The following PTPRM variants were observed in gnomAD, a reference collection of about 807,000 sequenced individuals.
PTPRM encodes protein tyrosine phosphatase receptor type M, also known as receptor-type tyrosine-protein phosphatase mu.
In PTPRM, 47 loss-of-function variants were observed where a neutral mutation model predicts 186.7. That is an observed-to-expected ratio of 0.25 (90% confidence interval 0.20 to 0.32). The LOEUF (loss-of-function observed/expected upper bound fraction) is 0.32, where lower values mean the gene tolerates loss of function less well. Among genes scored for constraint, PTPRM ranks in the 10% least tolerant of loss-of-function variants. The pLI is 1.00. For missense variants in PTPRM, 1,494 were observed against 1,865.0 expected, an observed-to-expected ratio of 0.80 and a Z score of 3.66; for synonymous variants, 668 against 674.9, an observed-to-expected ratio of 0.99 and a Z score of 0.16.
chr18:8,013,528 C>G (rs1257578858), intron 7 of PTPRM, among the ~76,000 whole-genome samples: 1 of 152,114 alleles, frequency 6.6e-6, no homozygotes, highest in Admixed American at 6.6e-5. Flanking sequence ...GATCTTCATC[C>G]TGGTTGTCTT....
intron 1 of PTPRM, among the ~76,000 whole-genome samples, chr18:7,743,163 C>A (rs555984894): frequency 2.0e-5 from 3 of 152,282 alleles, no homozygotes; most frequent in Admixed American, 6.5e-5. Flanking sequence ...CCAGTTCTAC[C>A]ACTTGCTACT....
intron 14 of PTPRM, among the ~76,000 whole-genome samples, chr18:8,220,896 C>A (rs1439361369): frequency 6.6e-6 from 1 of 152,152 alleles, no homozygotes; most frequent in African/African-American, 2.4e-5. Flanking sequence ...CCTTTATAAT[C>A]ATTCATGAGA....
intron 3 of PTPRM, among the ~76,000 whole-genome samples, chr18:7,899,049 G>T (rs942489213): frequency 1.8e-4 from 27 of 152,322 alleles, no homozygotes; most frequent in African/African-American, 6.5e-4. Flanking sequence ...TGTAACTCAT[G>T]CTGACTGGAG....
intron 14 of PTPRM, among the ~76,000 whole-genome samples, chr18:8,213,798 T>G (rs2094039914): frequency 6.6e-6 from 1 of 152,172 alleles, no homozygotes; most frequent in Admixed American, 6.5e-5. Flanking sequence ...AAAAGACACC[T>G]GCATGCATGC....
chr18:8,124,084 T>C (rs2092264815), intron 13 of PTPRM, among the ~76,000 whole-genome samples: 1 of 152,292 alleles, frequency 6.6e-6, no homozygotes, highest in South Asian at 2.1e-4. Flanking sequence ...GTGAGTGTCA[T>C]TATTTTGGAG....
chr18:7,933,934 G>A (rs1333676519), intron 5 of PTPRM, among the ~76,000 whole-genome samples: 1 of 152,086 alleles, frequency 6.6e-6, no homozygotes, highest in East Asian at 1.9e-4. Context: ...AAGCAAATAT[G>A]GTCAATATAT....
chr18:7,657,275 C>CT (rs1203308066), intron 1 of PTPRM, among the ~76,000 whole-genome samples: 3 of 152,182 alleles, frequency 2.0e-5, no homozygotes, highest in Non-Finnish European at 4.4e-5. Context: ...AGCCCGTGAA[C>CT]TGACAGTCCA....
chr18:8,351,451 G>A (rs17490828), intron 23 of PTPRM, among the ~76,000 whole-genome samples: 42,068 of 152,072 alleles, frequency 0.28, 6,497 homozygotes, highest in Middle Eastern at 0.51. Flanking sequence ...CATCTGTTGT[G>A]CCTGTTTCCA....
At chr18:8,326,946 C>T (rs2148128034) in intron 22 of PTPRM, among the ~76,000 whole-genome samples, 1 of 152,248 alleles carries the variant, frequency 6.6e-6, no homozygotes, top group African/African-American at 2.4e-5. Context: ...AAATAATGTC[C>T]TTTTTTGCTG....
intron 29 of PTPRM, among the ~76,000 whole-genome samples, chr18:8,381,158 T>C (rs1359156672): frequency 6.6e-6 from 1 of 152,158 alleles, no homozygotes; most frequent in African/African-American, 2.4e-5. Context: ...AGACACATTT[T>C]CTTGAAGCAG....
chr18:8,189,873 A>G lies in PTPRM; in HGVS notation c.2300+46094A>G, dbSNP rs115965788. Among the ~76,000 whole-genome samples the G allele has an allele frequency of 3.7e-3, 561 of 152,356 alleles. 5 individuals carry two copies. Among genetic ancestry groups the G allele is most frequent in the African/African-American group, 0.013 (531 of 41,580 alleles). ...TTTGTTTGCATTTAAAATTCTTAGA[A>G]ATACATCAGTCTTTCTCTGCAGTCA... is the stretch of plus-strand genomic sequence containing the variant. On this transcript the variant is annotated intron_variant, in intron 14 of 32. Coordinates refer to ENST00000580170, the MANE Select transcript of PTPRM (RefSeq NM_001105244.2).
At chr18:7,866,042 A>G (rs1188837156) in intron 2 of PTPRM, among the ~76,000 whole-genome samples, 2 of 152,032 alleles carry the variant, frequency 1.3e-5, no homozygotes, top group Admixed American at 6.5e-5. Flanking sequence ...CCCGTTTATT[A>G]TTTTTTATTG....
chr18:8,101,454 A>T (rs2091287184), intron 11 of PTPRM, among the ~76,000 whole-genome samples: 1 of 152,186 alleles, frequency 6.6e-6, no homozygotes, highest in African/African-American at 2.4e-5. Flanking sequence ...CTAGCATTGT[A>T]TTCCTGAGCC....
At chr18:8,145,685 G>A (rs1051866513) in intron 14 of PTPRM, among the ~76,000 whole-genome samples, 1 of 152,164 alleles carries the variant, frequency 6.6e-6, no homozygotes, top group Admixed American at 6.5e-5. Flanking sequence ...GTATTCCATG[G>A]TGCGTATGTG....
chr18:7,638,194 G>A (rs1400085611), intron 1 of PTPRM, among the ~76,000 whole-genome samples: 1 of 152,096 alleles, frequency 6.6e-6, no homozygotes, highest in Non-Finnish European at 1.5e-5. Context: ...AAGACCCAGC[G>A]AAACCAGATT....
intron 9 of PTPRM, among the ~76,000 whole-genome samples, chr18:8,083,665 G>A (rs2090273523): frequency 6.6e-6 from 1 of 152,116 alleles, no homozygotes; most frequent in Non-Finnish European, 1.5e-5. Context: ...CTGAAACAGG[G>A]CGTGTATTTA....
At chr18:8,375,852 A>C (rs2095691299) in intron 24 of PTPRM, among the ~76,000 whole-genome samples, 194 bp from the exon 25 acceptor site, 1 of 152,154 alleles carries the variant, frequency 6.6e-6, no homozygotes, top group Non-Finnish European at 1.5e-5. Flanking sequence ...TCATACCCAG[A>C]CATCTTCCTA....
In PTPRM at chr18:8,070,137, T is replaced by G. The variant is rs922615482; in HGVS notation, c.1441+143T>G. 4.0e-6 allele frequency: 3 copies of G among 740,832 alleles called. No homozygotes were observed. In the African/African-American group the frequency reaches 5.3e-5, roughly 13 times the overall value. The allele number at this position is 740,832 out of a possible 1,614,324, so 45.9% of individuals were successfully genotyped here. A position where few individuals can be genotyped will look rare whatever the true frequency, so the allele number is the denominator to read the frequency against. On this transcript the variant is annotated intron_variant, in intron 8 of 32. Transcript: ENST00000580170. The stretch of plus-strand genomic sequence containing the variant: ...AAATGTGTATCTGTACTCTGTATTC[T>G]TAAGCGCTGATTGAAAGAGGGAAAA...
chr18:8,106,387 C>T lies in PTPRM; in HGVS notation c.1857-7099C>T, dbSNP rs146421505. Among the ~76,000 whole-genome samples, 27 of 152,084 alleles carry T rather than the reference C, an allele frequency of 1.8e-4. 1 individual carries two copies. In the East Asian group the frequency reaches 4.8e-3, roughly 27 times the overall value. On this transcript the variant is annotated intron_variant, in intron 11 of 32. Coordinates refer to ENST00000580170, the MANE Select transcript of PTPRM (RefSeq NM_001105244.2). ...GAGAATGTTGGTGACTGTAGCATTG[C>T]AGGAGCAGTTTTAGGGTGAGAACAT...
Sources: gnomAD v4.1 joint callset for allele counts (sites outside exome capture counted in the v4.1 genomes callset) on GRCh38, gnomAD v4.1.1 for gene constraint, MANE v1.5 for transcripts, NCBI Gene and HGNC (gene_info 2026-07-23, HGNC 2026-07-21) for gene names.